Variants in TMEM255B observed in about 807,000 individuals in gnomAD.
The protein encoded by TMEM255B is transmembrane protein 255B.
In TMEM255B, 35 loss-of-function variants were observed where a neutral mutation model predicts 34.5. The observed-to-expected ratio is 1.01, with a 90% CI of 0.77 to 1.34. The LOEUF is 1.34. TMEM255B is among the 40% of genes most tolerant of loss of function. The pLI is 0.00. For missense variants in TMEM255B, 432 were observed against 433.2 expected (o/e 1.00, Z 0.02); for synonymous variants, 206 against 201.2 (o/e 1.02, Z -0.20).
chr13:113,785,783 G>A (rs2050731484), intron 3 of TMEM255B, among the ~76,000 whole-genome samples: 1 of 152,188 alleles, frequency 6.6e-6, no homozygotes, highest in African/African-American at 2.4e-5. Flanking sequence ...ATGAAGGGAT[G>A]ATAGGGTTGC....
chr13:113,801,660 C>T lies in TMEM255B; in HGVS notation c.517C>T (p.Pro173Ser), dbSNP rs1171116072. The change falls in exon 7 of 9, where the codon CCC becomes TCC. Residue 173 changes from proline to serine, a missense_variant. By Grantham distance (74) the Pro-to-Ser change is moderately conservative. Coordinates refer to ENST00000375353, the MANE Select transcript of TMEM255B (RefSeq NM_182614.4). ...GGTGCCCTCTCTGTGCAGCGCAGAG[C>T]CCTCGCCCGCCTACTATGAGTTCAT... ...CDLYACGSAE[P>S]SPAYYEFIGV... is the part of the protein sequence containing the mutation. 8.7e-6 allele frequency: 14 copies of T among 1,607,838 alleles called. No homozygotes were observed. Among genetic ancestry groups the T allele is most frequent in the Non-Finnish European group, 1.1e-5 (13 of 1,176,516 alleles).
intron 3 of TMEM255B, among the ~76,000 whole-genome samples, chr13:113,792,770 G>A (rs530973943): frequency 5.3e-5 from 8 of 152,360 alleles, no homozygotes; most frequent in African/African-American, 1.9e-4. Flanking sequence ...CCAAATAGAA[G>A]TAAGCTTTTG....
At chr13:113,790,598 G>A (rs547507206) in intron 3 of TMEM255B, among the ~76,000 whole-genome samples, 2 of 144,244 alleles carry the variant, frequency 1.4e-5, no homozygotes, top group Non-Finnish European at 3.0e-5. Flanking sequence ...GACCGGACAC[G>A]TAGACATCCT....
chr13:113,783,396 C>A (rs1177212153), intron 3 of TMEM255B, among the ~76,000 whole-genome samples: 1 of 152,132 alleles, frequency 6.6e-6, no homozygotes, highest in African/African-American at 2.4e-5. Flanking sequence ...AGTTTATCTG[C>A]GTCGGCCTCA....
Position 113,769,227 on chromosome 13 carries a change from G to A in TMEM255B, c.252+67G>A, listed in dbSNP as rs2050439414. Reference sequence around the variant, plus strand: ...TCAGGGGATGGTACAGCTGCACTGGGGCTCTGAGAAGAGTCAGCCCTGCCT... The same window carrying A: ...TCAGGGGATGGTACAGCTGCACTGGAGCTCTGAGAAGAGTCAGCCCTGCCT... On this transcript the variant is annotated intron_variant, in intron 3 of 8. Transcript: ENST00000375353. This position sits in a 1 kb window ranked among gnomAD's most constrained non-coding sequence, Gnocchi z 4.2. 3.2e-6 allele frequency: 5 copies of A among 1,573,638 alleles called. No homozygotes were observed. In the South Asian group the frequency reaches 3.3e-5, roughly 10 times the overall value.
At chr13:113,766,432 A>G in intron 2 of TMEM255B, 175 bp downstream of exon 2, 2 of 935,734 alleles carry the variant, frequency 2.1e-6, no homozygotes, top group Non-Finnish European at 3.3e-6. Context: ...AATCCCCAGG[A>G]CCTGGGACAG....
chr13:113,779,220 G>A (rs1318711911), intron 3 of TMEM255B, among the ~76,000 whole-genome samples: 2 of 152,170 alleles, frequency 1.3e-5, no homozygotes, highest in African/African-American at 4.8e-5. Flanking sequence ...TGGATTTTGG[G>A]GGTTTTTAAT....
chr13:113,805,768 G>A (rs1367500479), intron 8 of TMEM255B, among the ~76,000 whole-genome samples: 1 of 152,168 alleles, frequency 6.6e-6, no homozygotes, highest in Admixed American at 6.5e-5. Context: ...GACGTGTCCC[G>A]TGTCTCCTGC....
intron 7 of TMEM255B, 102 bp downstream of exon 7, chr13:113,801,914 T>C: frequency 1.5e-6 from 2 of 1,310,746 alleles, no homozygotes; most frequent in Non-Finnish European, 2.1e-6. Flanking sequence ...ACTTTACAGA[T>C]GGGGCACTGA....
intron 3 of TMEM255B, among the ~76,000 whole-genome samples, chr13:113,780,180 CT>C (rs1002022131): frequency 2.0e-5 from 3 of 152,210 alleles, no homozygotes; most frequent in African/African-American, 7.2e-5. Flanking sequence ...ATCAGAACCC[CT>C]GTGCAGGGAC....
At chr13:113,800,301 C>CTGTGTGTGTG (rs1220505809) in intron 5 of TMEM255B, among the ~76,000 whole-genome samples, 6,808 of 96,814 alleles carry the variant, frequency 0.07, 275 homozygotes, top group East Asian at 0.13. Context: ...GAGGCGTCCT[C>CTGTGTGTGTG]TGTGTGTGTG....
intron 5 of TMEM255B, among the ~76,000 whole-genome samples, chr13:113,800,278 GTGTGTGTCAGGGGAGGCGTCCTC>G: frequency 1.4e-5 from 2 of 144,518 alleles, no homozygotes; most frequent in Admixed American, 6.8e-5. Flanking sequence ...TGTCCTGTGT[GTGTGTGTCAGGGGAGGCGTCCTC>G]TGTGTGTGTG....
intron 8 of TMEM255B, among the ~76,000 whole-genome samples, chr13:113,805,256 G>A (rs928220350): frequency 6.6e-6 from 1 of 152,190 alleles, no homozygotes; most frequent in African/African-American, 2.4e-5. Context: ...ATGCTCTGCC[G>A]GCAGCTGGCT....
intron 3 of TMEM255B, among the ~76,000 whole-genome samples, chr13:113,791,949 CT>C (rs759592250): frequency 1.3e-5 from 2 of 152,214 alleles, no homozygotes; most frequent in African/African-American, 2.4e-5. Flanking sequence ...ACGCAGCCCC[CT>C]GATCCAGGCC....
At chr13:113,779,467 C>T (rs2138540307) in intron 3 of TMEM255B, among the ~76,000 whole-genome samples, 2 of 152,004 alleles carry the variant, frequency 1.3e-5, no homozygotes, top group Middle Eastern at 6.8e-3. Context: ...GAAGCACTCT[C>T]TGTTTTGGGG....
At position 113,773,833 on chromosome 13, in the gene TMEM255B, A is replaced by G. The variant is rs181166441; in HGVS notation, c.252+4673A>G. Among the ~76,000 whole-genome samples, 330 of 152,338 alleles carry G rather than the reference A, an allele frequency of 2.2e-3. 1 individual carries two copies. The highest frequency in any genetic ancestry group is 3.5e-3 in the Non-Finnish European group (237 of 68,036). On this transcript the variant is annotated intron_variant, in intron 3 of 8. Coordinates refer to ENST00000375353, the MANE Select transcript of TMEM255B (RefSeq NM_182614.4). The stretch of plus-strand genomic sequence containing the variant: ...CAATGCACATGAGAATGTCTTGTTC[A>G]TGACAGGTTTCGAGAAAGCGGTGGT...
At position 113,795,159 on chromosome 13, in the gene TMEM255B, G is replaced by A. The variant is rs890287460; in HGVS notation, c.264G>A (p.Ala88=). The change falls in exon 4 of 9, where the codon GCG becomes GCA. Residue 88 remains alanine, a synonymous_variant. Transcript: ENST00000375353. ...VENRRQMLVA[A]IVFISFGVVA... is the part of the protein sequence containing the mutation. Reference sequence around the variant, plus strand: ...TCCTTCTGTTGCAGCTGGTGGCAGCGATCGTGTTTATCAGTTTTGGCGTGG... The same window carrying A: ...TCCTTCTGTTGCAGCTGGTGGCAGCAATCGTGTTTATCAGTTTTGGCGTGG... The A allele has an allele frequency of 6.8e-6, 11 of 1,613,788 alleles. No homozygotes were observed. The highest frequency in any genetic ancestry group is 2.7e-5 in the African/African-American group (2 of 74,926).
At chr13:113,760,650 G>A (rs1186835280) in intron 1 of TMEM255B, among the ~76,000 whole-genome samples, 1 of 152,014 alleles carries the variant, frequency 6.6e-6, no homozygotes, top group African/African-American at 2.4e-5. Context: ...GGGGTATCTG[G>A]GGGTGGGTTA....
At chr13:113,777,507 G>A (rs116332242) in intron 3 of TMEM255B, among the ~76,000 whole-genome samples, 3 of 152,168 alleles carry the variant, frequency 2.0e-5, no homozygotes, top group Non-Finnish European at 2.9e-5. Context: ...GGGGAGGCGC[G>A]GTGGCCCCGG....
Sources: allele counts gnomAD v4.1 joint callset (sites outside exome capture counted in the v4.1 genomes callset), GRCh38; gene constraint gnomAD v4.1.1; non-coding constraint Gnocchi (gnomAD v3.1); transcripts MANE v1.5; gene names NCBI Gene and HGNC (gene_info 2026-07-23, HGNC 2026-07-21).